MS4A4A: variants seen among roughly 807,000 people sequenced by gnomAD.
MS4A4A encodes membrane-spanning 4-domains subfamily A member 4A.
A neutral mutation model predicts 28.0 loss-of-function variants in MS4A4A; 26 were observed. That is an observed-to-expected ratio of 0.93 (90% CI 0.68 to 1.29). MS4A4A has a LOEUF of 1.29. Among genes scored for constraint, MS4A4A ranks in the 50% most tolerant of loss-of-function variants. MS4A4A has a pLI of 0.00. For missense variants in MS4A4A, 290 were observed against 293.1 expected (o/e 0.99, Z 0.08); for synonymous variants, 86 against 100.8 (o/e 0.85, Z 0.88).
At chr11:60,297,935 C>G (rs1198366692) in intron 3 of MS4A4A, among the ~76,000 whole-genome samples, 1 of 151,984 alleles carries the variant, frequency 6.6e-6, no homozygotes, top group Admixed American at 6.6e-5. Context: ...TTTCTAATAT[C>G]TAGTCTACTG....
intron 2 of MS4A4A, among the ~76,000 whole-genome samples, chr11:60,293,544 C>T (rs2084876008): frequency 6.6e-6 from 1 of 152,148 alleles, no homozygotes; most frequent in African/African-American, 2.4e-5. Context: ...GTACACAAAT[C>T]ACAATGGGGT....
At chr11:60,289,030 G>C (rs1348677876) in intron 1 of MS4A4A, among the ~76,000 whole-genome samples, 4 of 152,188 alleles carry the variant, frequency 2.6e-5, no homozygotes, top group Non-Finnish European at 5.9e-5. Context: ...CAGGTAGAGA[G>C]TAGACAGCAG....
chr11:60,285,493 T>G (rs750384911), intron 1 of MS4A4A, among the ~76,000 whole-genome samples: 78 of 152,288 alleles, frequency 5.1e-4, no homozygotes, highest in Non-Finnish European at 2.1e-4. Flanking sequence ...AGTCTGGTAG[T>G]TTATTGGAGG....
chr11:60,293,917 A>G (rs920600743), intron 2 of MS4A4A, among the ~76,000 whole-genome samples: 1 of 152,202 alleles, frequency 6.6e-6, no homozygotes, highest in Non-Finnish European at 1.5e-5. Context: ...TAGGAGTAAC[A>G]TTGCTATAAA....
intron 5 of MS4A4A, among the ~76,000 whole-genome samples, chr11:60,304,342 G>C (rs2084979049): frequency 6.6e-6 from 1 of 152,192 alleles, no homozygotes; most frequent in African/African-American, 2.4e-5. Flanking sequence ...CCCTGTGCTT[G>C]ATCTAATGCT....
intron 1 of MS4A4A, among the ~76,000 whole-genome samples, chr11:60,286,547 T>C (rs556324818): frequency 2.0e-5 from 3 of 152,324 alleles, no homozygotes; most frequent in Admixed American, 1.3e-4. Flanking sequence ...GGTCCCTCCG[T>C]TCGGGGTCCC....
chr11:60,288,351 G>A (rs1448725137), intron 1 of MS4A4A, among the ~76,000 whole-genome samples: 1 of 152,192 alleles, frequency 6.6e-6, no homozygotes, highest in African/African-American at 2.4e-5. Flanking sequence ...GGGGTCTTAG[G>A]CTCAGAGTCT....
chr11:60,292,157 G>A (rs1017898971), intron 1 of MS4A4A, 68 bp from the exon 2 acceptor site: 11 of 1,466,158 alleles, frequency 7.5e-6, no homozygotes, highest in Non-Finnish European at 1.8e-6. Flanking sequence ...GGAGGAACCT[G>A]CCCCAAAGTG....
chr11:60,293,441 C>T (rs1054915043), intron 2 of MS4A4A, among the ~76,000 whole-genome samples: 1 of 152,180 alleles, frequency 6.6e-6, no homozygotes, highest in East Asian at 1.9e-4. Context: ...CCCTTGCCCC[C>T]ACAAATGCAT....
chr11:60,289,595 ATG>A (rs34230139), intron 1 of MS4A4A, among the ~76,000 whole-genome samples: 26,657 of 127,662 alleles, frequency 0.21, 2,386 homozygotes, highest in South Asian at 0.35. Flanking sequence ...GTGTGTGTGT[ATG>A]TGTGTGTGTG....
chr11:60,306,793 A>G (rs1350173702), intron 6 of MS4A4A, among the ~76,000 whole-genome samples: 3 of 152,210 alleles, frequency 2.0e-5, no homozygotes, highest in Non-Finnish European at 4.4e-5. Context: ...AGGATATTTC[A>G]CAATGAAGAG....
At chr11:60,295,101 T>G (rs972431430) in intron 2 of MS4A4A, among the ~76,000 whole-genome samples, 8 of 152,072 alleles carry the variant, frequency 5.3e-5, no homozygotes, top group Non-Finnish European at 8.8e-5. Context: ...CTTGACAATG[T>G]TGAGTCTTCC....
intron 5 of MS4A4A, among the ~76,000 whole-genome samples, chr11:60,303,187 A>T (rs1020133906): frequency 2.6e-5 from 4 of 152,198 alleles, no homozygotes; most frequent in Admixed American, 2.0e-4. Flanking sequence ...TATCCTCAAC[A>T]TCTAGCTCCT....
chr11:60,288,088 A>G (rs1038314488), intron 1 of MS4A4A, among the ~76,000 whole-genome samples: 3 of 152,134 alleles, frequency 2.0e-5, no homozygotes, highest in Non-Finnish European at 4.4e-5. Flanking sequence ...CCATGGCTAC[A>G]CTAGGCATAT....
chr11:60,293,104 C>A (rs2135019646), intron 2 of MS4A4A, among the ~76,000 whole-genome samples: 1 of 152,208 alleles, frequency 6.6e-6, no homozygotes, highest in African/African-American at 2.4e-5. Flanking sequence ...ATCATCCAGG[C>A]TGGAGTGCAG....
intron 1 of MS4A4A, among the ~76,000 whole-genome samples, chr11:60,287,029 T>C (rs1411981956): frequency 6.6e-6 from 1 of 152,232 alleles, no homozygotes; most frequent in Non-Finnish European, 1.5e-5. Flanking sequence ...CGTTTGTGTA[T>C]CTGCTGTAGT....
rs536463539 is a variant in MS4A4A, at chr11:60,308,161, C to G, written c.703C>G (p.Pro235Ala). 49 of 1,613,990 alleles carry G rather than the reference C, an allele frequency of 3.0e-5. 2 individuals are homozygous for G. In the South Asian group the frequency reaches 5.4e-4, roughly 18 times the overall value. ...CATGGCAGAAACAGCATCTCCCACACCACTTAATGAGGTTTGAGGCCACCA... is the reference window on the plus strand; with the variant it reads ...CATGGCAGAAACAGCATCTCCCACAGCACTTAATGAGGTTTGAGGCCACCA... ...SHMAETASPT[P>A]LNEV Residue 235 changes from proline to alanine, a missense_variant, in exon 7 of 7, where the codon CCA becomes GCA. Pro to Ala is a conservative substitution (Grantham distance 27, BLOSUM62 -1). Coordinates refer to ENST00000337908, the MANE Select transcript of MS4A4A (RefSeq NM_148975.3).
chr11:60,285,821 G>A (rs1001524757), intron 1 of MS4A4A, among the ~76,000 whole-genome samples: 7 of 152,278 alleles, frequency 4.6e-5, no homozygotes, highest in African/African-American at 1.7e-4. Flanking sequence ...AATTACTAAT[G>A]AGGTTCCATG....
At chr11:60,307,185 T>C (rs2135037022) in intron 6 of MS4A4A, among the ~76,000 whole-genome samples, 1 of 152,304 alleles carries the variant, frequency 6.6e-6, no homozygotes, top group East Asian at 1.9e-4. Flanking sequence ...ATAATCATAG[T>C]TTGATGAGAC....
Sources: allele counts gnomAD v4.1 joint callset (sites outside exome capture counted in the v4.1 genomes callset), GRCh38; gene constraint gnomAD v4.1.1; transcripts MANE v1.5; gene names NCBI Gene and HGNC (gene_info 2026-07-23, HGNC 2026-07-21).